Variants in TCF7L2 observed in about 807,000 individuals in gnomAD.
TCF7L2 encodes transcription factor 7-like 2.
Under a neutral mutation model 77.9 loss-of-function variants are expected in TCF7L2, and 23 were observed. The observed-to-expected ratio is 0.30, with a 90% CI of 0.21 to 0.42. The LOEUF (loss-of-function observed/expected upper bound fraction) is 0.42, where lower values mean the gene tolerates loss of function less well. Ranked by LOEUF, TCF7L2 falls within the 10% of genes least tolerant of loss-of-function variation. The probability of loss-of-function intolerance (pLI) is 1.00; values close to 1 mark genes in which losing one functional copy is unlikely to be tolerated. For synonymous variants in TCF7L2, 413 were observed against 340.2 expected, an observed-to-expected ratio of 1.21 and a Z score of -2.36; for missense variants, 654 against 793.1, an observed-to-expected ratio of 0.82 and a Z score of 2.11.
At chr10:113,021,946 A>AC (rs1195506162) in intron 4 of TCF7L2, among the ~76,000 whole-genome samples, 2 of 152,158 alleles carry the variant, frequency 1.3e-5, no homozygotes, top group Admixed American at 1.3e-4. Flanking sequence ...AGCTTGGGGC[A>AC]CCAGGAGTTC....
At chr10:113,165,344 AG>A (rs1324032754) in intron 13 of TCF7L2, among the ~76,000 whole-genome samples, 1 of 152,050 alleles carries the variant, frequency 6.6e-6, no homozygotes, top group Non-Finnish European at 1.5e-5. Context: ...CTCTTAAATA[AG>A]TTGTTTGCCA....
intron 4 of TCF7L2, among the ~76,000 whole-genome samples, chr10:113,014,789 AAAACAAAC>A (rs752149749): frequency 7.9e-5 from 12 of 152,266 alleles, no homozygotes; most frequent in African/African-American, 1.4e-4. Flanking sequence ...TCATCTCACA[AAAACAAAC>A]AAACAAACAA....
At chr10:112,973,484 A>G (rs1289921153) in intron 4 of TCF7L2, among the ~76,000 whole-genome samples, 1 of 152,194 alleles carries the variant, frequency 6.6e-6, no homozygotes, top group African/African-American at 2.4e-5. Context: ...CATCTGGTCT[A>G]GGGGATCCTG....
chr10:113,012,713 C>T (rs572272112), intron 4 of TCF7L2, among the ~76,000 whole-genome samples: 2 of 152,176 alleles, frequency 1.3e-5, no homozygotes, highest in African/African-American at 4.8e-5. Context: ...ACCTGCCTGG[C>T]TAAACCATTC....
At position 113,167,643 on chromosome 10, in the gene TCF7L2, TG is replaced by T. The variant is rs2074092490; in HGVS notation, c.*1673del. On this transcript the variant is annotated 3_prime_UTR_variant, in exon 14 of 14. Coordinates refer to ENST00000627217, the MANE Select transcript of TCF7L2 (RefSeq NM_001146274.2). ...GTACAGTATCTGTAGCATGCCGTTC[TG>T]GATTAATAAAAGCAACTTAGTATGT... 1 of 190,700 alleles carries T rather than the reference TG, an allele frequency of 5.2e-6. No homozygotes were observed. Among genetic ancestry groups the T allele is most frequent in the Non-Finnish European group, 1.1e-5 (1 of 91,018 alleles). 11.8% of individuals were successfully genotyped at this position (190,700 alleles called of 1,614,324 possible). A position where few individuals can be genotyped will look rare whatever the true frequency, so the allele number is the denominator to read the frequency against.
At position 113,051,220 on chromosome 10, in the gene TCF7L2, C is replaced by CAT. The variant is rs1470772956; in HGVS notation, c.552+11095_552+11096insTA. ...CATACACACCACACACACACACACA[C>CAT]ACACACACACACACACACACACAGA... On this transcript the variant is annotated intron_variant, in intron 5 of 13. Transcript: ENST00000627217. 6.8e-5 allele frequency among the ~76,000 whole-genome samples: 10 copies of CAT among 146,036 alleles called. No homozygotes were observed. The South Asian group carries it at 2.2e-3, about 32-fold the overall frequency.
intron 5 of TCF7L2, chr10:113,129,761 T>C: frequency 8.0e-7 from 1 of 1,255,516 alleles, no homozygotes; most frequent in Non-Finnish European, 1.0e-6. Flanking sequence ...AAAAGAAAAG[T>C]GAGAAAAGCA....
intron 5 of TCF7L2, among the ~76,000 whole-genome samples, chr10:113,058,957 A>G (rs2055903304): frequency 1.3e-5 from 2 of 152,112 alleles, no homozygotes; most frequent in Admixed American, 1.3e-4. Flanking sequence ...TATGCTTTTC[A>G]TGGAGATAAA....
chr10:112,968,807 C>G (rs2037592444), intron 4 of TCF7L2, among the ~76,000 whole-genome samples: 1 of 152,124 alleles, frequency 6.6e-6, no homozygotes, highest in South Asian at 2.1e-4. Flanking sequence ...TCTCAATCTC[C>G]TGACCTCGTG....
chr10:112,988,399 C>T (rs778191879), intron 4 of TCF7L2, among the ~76,000 whole-genome samples: 10 of 152,114 alleles, frequency 6.6e-5, no homozygotes, highest in South Asian at 2.1e-4. Flanking sequence ...GCACCTGGCC[C>T]GTGTGTTGTT....
At chr10:113,073,530 A>T (rs1405805828) in intron 5 of TCF7L2, among the ~76,000 whole-genome samples, 4 of 146,836 alleles carry the variant, frequency 2.7e-5, no homozygotes, top group Non-Finnish European at 5.9e-5. Flanking sequence ...AAAAAAAAAA[A>T]AAATCAAAAA....
At chr10:112,960,442 G>A (rs2034772224) in intron 3 of TCF7L2, among the ~76,000 whole-genome samples, 1 of 152,178 alleles carries the variant, frequency 6.6e-6, no homozygotes, top group African/African-American at 2.4e-5. Context: ...GTAGTAGAAT[G>A]GGGGATGGGC....
chr10:113,078,491 C>T (rs1415530427), intron 5 of TCF7L2, among the ~76,000 whole-genome samples: 1 of 152,176 alleles, frequency 6.6e-6, no homozygotes, highest in African/African-American at 2.4e-5. Context: ...GCCTTGACCT[C>T]CTGGGATCAA....
intron 5 of TCF7L2, among the ~76,000 whole-genome samples, chr10:113,104,579 C>T (rs1467292285): frequency 6.6e-6 from 1 of 152,120 alleles, no homozygotes; most frequent in Non-Finnish European, 1.5e-5. Flanking sequence ...GTGTCATATA[C>T]CATACTCTAC....
At chr10:112,958,549 G>C (rs1276574391) in intron 3 of TCF7L2, among the ~76,000 whole-genome samples, 2 of 152,032 alleles carry the variant, frequency 1.3e-5, no homozygotes, top group Non-Finnish European at 2.9e-5. Flanking sequence ...AAATTGTAAA[G>C]TCAATGAATT....
chr10:113,144,777 T>TCC (rs2069023268), intron 7 of TCF7L2, among the ~76,000 whole-genome samples: 3 of 152,318 alleles, frequency 2.0e-5, no homozygotes, highest in Non-Finnish European at 2.9e-5. Context: ...TTTGACTAAC[T>TCC]TTTGCAACTT....
rs148179632 is a variant in TCF7L2 at position 113,090,886 on chromosome 10, G to A, written c.553-50298G>A. On this transcript the variant is annotated intron_variant, in intron 5 of 13. Transcript: ENST00000627217. ...GCCTCCCAAACTGCTGGGATTACAG[G>A]CATGAACAACCATGCCTGGTCTTTT... Among the ~76,000 whole-genome samples, 753 of 152,254 alleles carry A rather than the reference G, an allele frequency of 4.9e-3. 4 individuals are homozygous for A. In the Middle Eastern group the frequency reaches 0.054, roughly 11 times the overall value.
chr10:113,159,797 A>C, intron 12 of TCF7L2, 123 bp from the exon 14 acceptor site: 1 of 491,132 alleles, frequency 2.0e-6, no homozygotes, highest in Non-Finnish European at 3.5e-6. Context: ...TCCCTTTTTT[A>C]TTTTTATTTT....
chr10:113,076,226 C>T (rs1564860432), intron 5 of TCF7L2, among the ~76,000 whole-genome samples: 1 of 151,858 alleles, frequency 6.6e-6, no homozygotes, highest in Non-Finnish European at 1.5e-5. Context: ...CAACCTTTAG[C>T]TCCTGGACTC....
Sources: gnomAD v4.1 joint callset for allele counts (sites outside exome capture counted in the v4.1 genomes callset) on GRCh38, gnomAD v4.1.1 for gene constraint, MANE v1.5 for transcripts, NCBI Gene and HGNC (gene_info 2026-07-23, HGNC 2026-07-21) for gene names.